Variants in GSE1 observed in about 807,000 individuals in gnomAD.
GSE1 encodes the protein genetic suppressor element 1.
GSE1 carries 32 observed loss-of-function variants against 112.6 expected under a neutral mutation model. That is an observed-to-expected ratio of 0.28 (90% CI 0.21 to 0.38). The LOEUF is 0.38. GSE1 is among the 10% of genes least tolerant of loss of function. GSE1 has a pLI of 1.00. For missense variants in GSE1, 2,348 were observed against 1,699.2 expected (o/e 1.38, Z -6.71); for synonymous variants, 1,115 against 735.6 (o/e 1.52, Z -8.35).
upstream of GSE1, among the ~76,000 whole-genome samples, chr16:85,609,714 G>C (rs2047881530): frequency 6.6e-6 from 1 of 152,020 alleles, no homozygotes; most frequent in South Asian, 2.1e-4. Flanking sequence ...GAGTGTAGTG[G>C]CACAATCTCA....
chr16:85,648,299 G>A lies in GSE1; in HGVS notation c.227-253G>A, dbSNP rs998591150. On this transcript the variant is annotated intron_variant, in intron 2 of 15. Transcript: ENST00000253458. ...CTGGGCACCAGAGCATCTGTGCTTT[G>A]TGCCACGTGAGCAGGGCCCGTGGGG... Among the ~76,000 whole-genome samples, 16 of 152,274 alleles carry A rather than the reference G, an allele frequency of 1.1e-4. 2 individuals carry two copies. In the East Asian group the frequency reaches 3.1e-3, roughly 30 times the overall value.
At position 85,661,711 on chromosome 16, in the gene GSE1, C is replaced by T; in HGVS notation, c.2206C>T (p.Leu736=). The change falls in exon 9 of 16, where the codon CTG becomes TTG. Residue 736 remains leucine (L), a synonymous_variant. Coordinates refer to ENST00000253458, the MANE Select transcript of GSE1 (RefSeq NM_014615.5). ...YDEFLQQRRR[L]VSKLDLEERR... ...TGAGTTCCTGCAGCAGCGCCGGAGG[C>T]TGGTCAGCAAGCTGGACCTGGAGGA... is the stretch of plus-strand genomic sequence containing the variant. 6.3e-7 allele frequency: 1 copy of T among 1,594,724 alleles called. No homozygotes were observed. Among genetic ancestry groups the T allele is most frequent in the South Asian group, 1.1e-5 (1 of 88,974 alleles).
intron 1 of GSE1, among the ~76,000 whole-genome samples, chr16:85,175,229 A>G (rs1168414474): frequency 6.6e-6 from 1 of 152,196 alleles, no homozygotes; most frequent in Non-Finnish European, 1.5e-5. Flanking sequence ...GGGTCCCCAG[A>G]GAGCACCATG....
At chr16:85,193,694 A>G (rs181335755) in intron 1 of GSE1, among the ~76,000 whole-genome samples, 43 of 152,268 alleles carry the variant, frequency 2.8e-4, no homozygotes, top group African/African-American at 9.6e-4. Context: ...TTGTGGCCTC[A>G]GTGATCCACC....
At chr16:85,517,801 C>T (rs905641027) in intron 2 of GSE1, among the ~76,000 whole-genome samples, 1 of 152,282 alleles carries the variant, frequency 6.6e-6, no homozygotes, top group Non-Finnish European at 1.5e-5. Flanking sequence ...GTGTCCGCCT[C>T]ATGGCCTCAC....
chr16:85,419,609 A>G lies in GSE1; in HGVS notation c.2464+61966A>G, dbSNP rs1181586887. Among the ~76,000 whole-genome samples, 1 of 151,708 alleles carries G rather than the reference A, an allele frequency of 6.6e-6. No individual in the cohort carries two copies. The highest frequency in any genetic ancestry group is 2.4e-5 in the African/African-American group (1 of 41,306). ...CAATAGAGCAAGGCTGTGTCTCAAA[A>G]AAAAAAAACAAAAAACAAAAAACAA... On this transcript the variant is annotated intron_variant, in intron 2 of 2. Transcript: ENST00000637419. This position sits in a 1 kb window ranked among gnomAD's most constrained non-coding sequence, Gnocchi z 6.5.
intron 1 of GSE1, among the ~76,000 whole-genome samples, chr16:85,259,761 C>G (rs1041102408): frequency 1.3e-5 from 2 of 152,226 alleles, no homozygotes; most frequent in African/African-American, 4.8e-5. Context: ...TGCTCCTGCA[C>G]TGTACTGGGA....
rs368449192 is a variant in GSE1 at position 85,668,371 on chromosome 16, G to C, written c.3362G>C (p.Arg1121Pro). ...GAAGATGAGGAGGAAGTCCCCAAGC[G>C]CAAGTGGCAAGGGATCGAGGCCGTT... is the stretch of plus-strand genomic sequence containing the variant. ...DGEDEEEVPKRKWQGIEAVFE... is the reference protein window; with the variant it reads ...DGEDEEEVPKPKWQGIEAVFE... The change falls in exon 14 of 16, where the codon CGC becomes CCC. Residue 1121 changes from arginine (R) to proline (P), a missense_variant. Coordinates refer to ENST00000253458, the MANE Select transcript of GSE1 (RefSeq NM_014615.5). The C allele has an allele frequency of 1.9e-6, 3 of 1,613,026 alleles. No homozygotes were observed. The highest frequency in any genetic ancestry group is 2.5e-6 in the Non-Finnish European group (3 of 1,179,700).
chr16:85,660,778 C>T (rs1012518249), intron 8 of GSE1, among the ~76,000 whole-genome samples: 1 of 151,876 alleles, frequency 6.6e-6, no homozygotes, highest in African/African-American at 2.4e-5. Flanking sequence ...TTACAGGCAC[C>T]CGCCACCATG....
At chr16:85,540,011 G>A (rs374016146) in intron 2 of GSE1, among the ~76,000 whole-genome samples, 1 of 152,002 alleles carries the variant, frequency 6.6e-6, no homozygotes, top group Non-Finnish European at 1.5e-5. Flanking sequence ...ATTTTATATC[G>A]AAGTCAGCAG....
intron 1 of GSE1, among the ~76,000 whole-genome samples, chr16:85,265,740 C>A (rs555996179): frequency 2.4e-4 from 36 of 152,230 alleles, no homozygotes; most frequent in African/African-American, 8.7e-4. Flanking sequence ...TTGGGGGGCT[C>A]TCTGCTGTGC....
intron 12 of GSE1, among the ~76,000 whole-genome samples, chr16:85,665,351 C>T (rs1404781791): frequency 6.6e-6 from 1 of 152,226 alleles, no homozygotes; most frequent in East Asian, 1.9e-4. Flanking sequence ...GGTCTGGCTT[C>T]TGTGGAGCTC....
chr16:85,546,026 C>T (rs979781246), intron 2 of GSE1, among the ~76,000 whole-genome samples: 2 of 152,216 alleles, frequency 1.3e-5, no homozygotes, highest in African/African-American at 4.8e-5. Context: ...ACCTCGTGAT[C>T]TGCCCACCTC....
chr16:85,248,999 C>G (rs1030742470), intron 1 of GSE1, among the ~76,000 whole-genome samples: 1 of 152,172 alleles, frequency 6.6e-6, no homozygotes, highest in African/African-American at 2.4e-5. Context: ...GCGGGGGAGA[C>G]ACAGACACAG....
At chr16:85,557,835 T>G (rs528296828) in intron 1 of GSE1, among the ~76,000 whole-genome samples, 1 of 152,070 alleles carries the variant, frequency 6.6e-6, no homozygotes, top group Admixed American at 6.5e-5. Context: ...CTTTTACTCT[T>G]TTTGAGTTTC....
chr16:85,661,485 G>T lies in GSE1; in HGVS notation c.1980G>T (p.Gly660=), dbSNP rs779617898. The change falls in exon 9 of 16, where the codon GGG becomes GGT. Residue 660 remains glycine (G), a synonymous_variant. Transcript: ENST00000253458. ...QPPPPPPREG[G]SLEHQPFLPG... is the part of the protein sequence containing the mutation. The stretch of plus-strand genomic sequence containing the variant: ...CTCCGCCGCCACCACGAGAGGGAGG[G>T]AGCCTGGAGCACCAGCCCTTCCTGC... The T allele has an allele frequency of 8.7e-6, 14 of 1,611,656 alleles. No individual in the cohort carries two copies. In the East Asian group the frequency reaches 2.7e-4, roughly 31 times the overall value.
chr16:85,170,526 G>A (rs1193849586), exon 1 of GSE1: 1 of 985,780 alleles, frequency 1.0e-6, no homozygotes, highest in African/African-American at 1.7e-5. Flanking sequence ...AGGACCACAA[G>A]GAACAGCCTT....
chr16:85,226,971 C>G (rs907489133), intron 1 of GSE1, among the ~76,000 whole-genome samples: 1 of 152,114 alleles, frequency 6.6e-6, no homozygotes, highest in Non-Finnish European at 1.5e-5. Context: ...ATCCCCACAC[C>G]TAGGGCCCAC....
intron 1 of GSE1, among the ~76,000 whole-genome samples, chr16:85,331,932 C>T (rs541199527): frequency 2.0e-5 from 3 of 151,988 alleles, no homozygotes; most frequent in South Asian, 2.1e-4. Flanking sequence ...TTAATGAGCG[C>T]ATGCAGCCTT....
Sources: allele counts gnomAD v4.1 joint callset (sites outside exome capture counted in the v4.1 genomes callset), GRCh38; gene constraint gnomAD v4.1.1; non-coding constraint Gnocchi (gnomAD v3.1); transcripts MANE v1.5; gene names NCBI Gene and HGNC (gene_info 2026-07-23, HGNC 2026-07-21).